KCNIP1: variants seen among roughly 807,000 people sequenced by gnomAD.
KCNIP1 encodes the protein A-type potassium channel modulatory protein KCNIP1.
KCNIP1 carries 18 observed loss-of-function variants against 33.0 expected under a neutral mutation model. The observed-to-expected ratio is 0.55, with a 90% confidence interval of 0.38 to 0.81. KCNIP1 has a LOEUF of 0.81. KCNIP1 is among the 30% of genes least tolerant of loss of function. The probability of loss-of-function intolerance (pLI) is 0.00; values close to 1 mark genes in which losing one functional copy is unlikely to be tolerated. For synonymous variants in KCNIP1, 93 were observed against 98.3 expected (o/e 0.95, Z 0.32); for missense variants, 238 against 271.6 (o/e 0.88, Z 0.87).
chr5:170,439,834 A>G (rs977738484), intron 1 of KCNIP1, among the ~76,000 whole-genome samples: 2 of 152,220 alleles, frequency 1.3e-5, no homozygotes, highest in Non-Finnish European at 2.9e-5. Flanking sequence ...GCTGAGAAGA[A>G]GTGGGCTTGC....
chr5:170,435,995 T>C (rs13165198), intron 1 of KCNIP1, among the ~76,000 whole-genome samples: 39,474 of 151,950 alleles, frequency 0.26, 5,208 homozygotes, highest in African/African-American at 0.32. Context: ...CTGCCCACCA[T>C]GCCCAAAGCC....
chr5:170,590,034 G>A (rs1456914844), intron 1 of KCNIP1, among the ~76,000 whole-genome samples: 2 of 152,168 alleles, frequency 1.3e-5, no homozygotes, highest in African/African-American at 2.4e-5. Flanking sequence ...GCGGGAGTTA[G>A]GAGGAATAAT....
chr5:170,474,164 G>C (rs1756797840), intron 1 of KCNIP1, among the ~76,000 whole-genome samples: 1 of 152,156 alleles, frequency 6.6e-6, no homozygotes, highest in South Asian at 2.1e-4. Context: ...ATCTGTATCA[G>C]GAAGAGGGCT....
At position 170,735,875 on chromosome 5, in the gene KCNIP1, C is replaced by A; in HGVS notation, c.*69C>A. On this transcript the variant is annotated 3_prime_UTR_variant, in exon 8 of 8. Transcript: ENST00000328939. ...ACAACCACCTTAACACCCTGATCTGCCCTTGTTCTGATTTTACACACCAAC... is the reference window on the plus strand; with the variant it reads ...ACAACCACCTTAACACCCTGATCTGACCTTGTTCTGATTTTACACACCAAC... 1 of 1,354,618 alleles carries A rather than the reference C, an allele frequency of 7.4e-7. No homozygotes were observed. The highest frequency in any genetic ancestry group is 1.1e-6 in the Non-Finnish European group (1 of 947,698). The allele number at this position is 1,354,618 out of a possible 1,614,324, so 83.9% of individuals were successfully genotyped here.
At chr5:170,368,127 T>C (rs1463352471) in intron 1 of KCNIP1, among the ~76,000 whole-genome samples, 1 of 152,160 alleles carries the variant, frequency 6.6e-6, no homozygotes, top group Non-Finnish European at 1.5e-5. Context: ...GAAAAAAAAC[T>C]GTATGATGAA....
chr5:170,676,613 G>A (rs1762154678), intron 1 of KCNIP1, among the ~76,000 whole-genome samples: 1 of 152,196 alleles, frequency 6.6e-6, no homozygotes, highest in Non-Finnish European at 1.5e-5. Context: ...TTTTCCAAAT[G>A]AGGTTTAGAC....
intron 1 of KCNIP1, among the ~76,000 whole-genome samples, chr5:170,627,621 G>C (rs1759882884): frequency 6.6e-6 from 1 of 152,246 alleles, no homozygotes; most frequent in African/African-American, 2.4e-5. Flanking sequence ...TGACCCCCAG[G>C]CATCTGGCAA....
At chr5:170,601,361 G>A (rs1581384143) in intron 1 of KCNIP1, among the ~76,000 whole-genome samples, 1 of 133,802 alleles carries the variant, frequency 7.5e-6, no homozygotes, top group South Asian at 2.4e-4. Flanking sequence ...AGACATCACA[G>A]GAGAAGGAGG....
At chr5:170,704,921 C>T (rs1259649539) in intron 1 of KCNIP1, among the ~76,000 whole-genome samples, 1 of 152,154 alleles carries the variant, frequency 6.6e-6, no homozygotes, top group African/African-American at 2.4e-5. Flanking sequence ...GCAGTATTTC[C>T]TCTTTTTATG....
intron 1 of KCNIP1, among the ~76,000 whole-genome samples, chr5:170,646,920 A>G (rs912057292): frequency 3.3e-5 from 5 of 152,210 alleles, no homozygotes; most frequent in Non-Finnish European, 5.9e-5. Context: ...TTAATATACA[A>G]AAGTCGATCA....
chr5:170,573,388 C>G (rs1010804590), intron 1 of KCNIP1, among the ~76,000 whole-genome samples: 1 of 152,186 alleles, frequency 6.6e-6, no homozygotes, highest in African/African-American at 2.4e-5. Context: ...GGCAGTGCCT[C>G]TCTAACTCAA....
intron 1 of KCNIP1, among the ~76,000 whole-genome samples, chr5:170,623,979 C>G (rs941486964): frequency 6.6e-5 from 10 of 152,294 alleles, no homozygotes; most frequent in Middle Eastern, 3.4e-3. Flanking sequence ...CCCTGAGGCT[C>G]TATGCTCCCT....
rs140476742 is a variant in KCNIP1 at position 170,694,031 on chromosome 5, C to T, written c.62-24727C>T. Reference sequence around the variant, plus strand: ...AGGTAGAATCTTGGCCTGGCCCCTCCGGGATGACAGGTGCCATTGCCCAAG... The same window carrying T: ...AGGTAGAATCTTGGCCTGGCCCCTCTGGGATGACAGGTGCCATTGCCCAAG... On this transcript the variant is annotated intron_variant, in intron 1 of 7. Coordinates refer to ENST00000328939, the MANE Select transcript of KCNIP1 (RefSeq NM_014592.4). 6.4e-3 allele frequency among the ~76,000 whole-genome samples: 980 copies of T among 152,246 alleles called. 6 individuals are homozygous for T. Among genetic ancestry groups the T allele is most frequent in the Middle Eastern group, 0.024 (7 of 294 alleles).
chr5:170,514,701 G>A (rs544572479), intron 1 of KCNIP1, among the ~76,000 whole-genome samples: 2 of 152,318 alleles, frequency 1.3e-5, no homozygotes, highest in East Asian at 1.9e-4. Context: ...TACTTTGCTA[G>A]TGCTTTAAGC....
At chr5:170,686,055 C>T (rs1762526738) in intron 1 of KCNIP1, among the ~76,000 whole-genome samples, 1 of 152,160 alleles carries the variant, frequency 6.6e-6, no homozygotes, top group Admixed American at 6.5e-5. Flanking sequence ...GCCTGTACTT[C>T]CCATCCCCAC....
chr5:170,379,711 A>G (rs1351230250), intron 1 of KCNIP1, among the ~76,000 whole-genome samples: 2 of 152,184 alleles, frequency 1.3e-5, no homozygotes, highest in African/African-American at 4.8e-5. Context: ...CACTTTGGGA[A>G]GCCGAAGGGG....
chr5:170,385,143 C>G (rs1764411950), intron 1 of KCNIP1, among the ~76,000 whole-genome samples: 2 of 152,184 alleles, frequency 1.3e-5, no homozygotes, highest in African/African-American at 4.8e-5. Flanking sequence ...GGGCTCAGTT[C>G]ATCCTACCTT....
intron 1 of KCNIP1, among the ~76,000 whole-genome samples, chr5:170,461,565 A>G (rs1345425898): frequency 6.6e-6 from 1 of 152,130 alleles, no homozygotes. Flanking sequence ...CCTGGCTAAC[A>G]TGGTAAAACT....
intron 1 of KCNIP1, among the ~76,000 whole-genome samples, chr5:170,558,230 C>T (rs563599659): frequency 6.6e-6 from 1 of 152,264 alleles, no homozygotes; most frequent in South Asian, 2.1e-4. Context: ...CTGCTTTTGC[C>T]ATCTAAGGTC....
Sources: allele counts gnomAD v4.1 joint callset (sites outside exome capture counted in the v4.1 genomes callset), GRCh38; gene constraint gnomAD v4.1.1; transcripts MANE v1.5; gene names NCBI Gene and HGNC (gene_info 2026-07-23, HGNC 2026-07-21).